Variants in APBB1IP observed in about 807,000 individuals in gnomAD.
APBB1IP encodes the protein amyloid beta precursor protein binding family B member 1 interacting protein, also known as amyloid beta A4 precursor protein-binding family B member 1-interacting protein.
APBB1IP carries 27 observed loss-of-function variants against 64.9 expected under a neutral mutation model. The observed-to-expected ratio is 0.42, with a 90% CI of 0.31 to 0.57. The LOEUF (loss-of-function observed/expected upper bound fraction) is 0.57. Among genes scored for constraint, APBB1IP ranks in the 20% least tolerant of loss-of-function variants. The probability of loss-of-function intolerance (pLI) is 0.20; values close to 1 mark genes in which losing one functional copy is unlikely to be tolerated. For missense variants in APBB1IP, 812 were observed against 845.5 expected, an observed-to-expected ratio of 0.96 and a Z score of 0.49; for synonymous variants, 392 against 331.0, an observed-to-expected ratio of 1.18 and a Z score of -2.00.
chr10:26,555,948 C>A (rs554513005), intron 11 of APBB1IP, among the ~76,000 whole-genome samples: 1 of 152,298 alleles, frequency 6.6e-6, no homozygotes, highest in South Asian at 2.1e-4. Context: ...TCTTGGCACC[C>A]AGAGATATTT....
At chr10:26,496,458 C>T (rs1836026520) in intron 4 of APBB1IP, 67 bp downstream of exon 4, 11 of 1,292,198 alleles carry the variant, frequency 8.5e-6, no homozygotes, top group Non-Finnish European at 1.2e-5. Flanking sequence ...CAGTATGAAA[C>T]TATAATTTGA....
At chr10:26,499,399 T>C (rs1836068458) in intron 4 of APBB1IP, among the ~76,000 whole-genome samples, 1 of 152,224 alleles carries the variant, frequency 6.6e-6, no homozygotes, top group African/African-American at 2.4e-5. Flanking sequence ...ACCCAAACTT[T>C]AGTCCAAGTA....
chr10:26,467,825 T>C (rs1835666311), intron 2 of APBB1IP, among the ~76,000 whole-genome samples: 1 of 152,212 alleles, frequency 6.6e-6, no homozygotes, highest in Admixed American at 6.5e-5. Context: ...AACCCAAAGC[T>C]TAGCTTTGAT....
At chr10:26,491,216 C>T (rs1564359385) in intron 2 of APBB1IP, among the ~76,000 whole-genome samples, 2 of 151,690 alleles carry the variant, frequency 1.3e-5, no homozygotes, top group South Asian at 4.2e-4. Flanking sequence ...GAGACGGAGG[C>T]TGCAGTGAGC....
chr10:26,521,549 C>T (rs980546886), intron 8 of APBB1IP, among the ~76,000 whole-genome samples: 7 of 152,084 alleles, frequency 4.6e-5, no homozygotes, highest in Non-Finnish European at 7.4e-5. Flanking sequence ...ATTCTTCTTC[C>T]CTTTGGTGGA....
At chr10:26,515,169 C>G (rs1007833261) in intron 8 of APBB1IP, among the ~76,000 whole-genome samples, 1 of 152,062 alleles carries the variant, frequency 6.6e-6, no homozygotes, top group Non-Finnish European at 1.5e-5. Context: ...GTGTGAGCCA[C>G]TGCACCCAGC....
At chr10:26,479,790 C>A (rs1160625933) in intron 2 of APBB1IP, among the ~76,000 whole-genome samples, 1 of 152,320 alleles carries the variant, frequency 6.6e-6, no homozygotes, top group East Asian at 1.9e-4. Flanking sequence ...TCTCCTCCAG[C>A]ATGGCTGATC....
intron 13 of APBB1IP, 65 bp downstream of exon 13, chr10:26,560,909 C>A: frequency 1.6e-6 from 2 of 1,238,380 alleles, no homozygotes; most frequent in South Asian, 1.5e-5. Context: ...AAAATGTATC[C>A]AATACATCTA....
chr10:26,484,095 C>T (rs534416732), intron 2 of APBB1IP, among the ~76,000 whole-genome samples: 3 of 152,174 alleles, frequency 2.0e-5, no homozygotes, highest in Admixed American at 6.5e-5. Context: ...TATCTTAATA[C>T]GGTGCTATAA....
chr10:26,451,966 G>T (rs1835469929), intron 2 of APBB1IP, among the ~76,000 whole-genome samples: 2 of 152,126 alleles, frequency 1.3e-5, no homozygotes, highest in African/African-American at 4.8e-5. Flanking sequence ...GCATTTATCT[G>T]GTTTTAAGGA....
rs751830726 is a variant in APBB1IP, at chr10:26,500,852, A to T, written c.194A>T (p.Asp65Val). The change falls in exon 5 of 15, where the codon GAT (aspartate) becomes GTT (valine). Residue 65 changes from aspartate to valine, a missense_variant. By Grantham distance (152) the Asp-to-Val change is radical (BLOSUM62 -3). Around this residue, in one of 3 missense-constraint regions of APBB1IP, gnomAD observed 394 missense variants for 413.1 expected, o/e 0.95. Coordinates refer to ENST00000376236, the MANE Select transcript of APBB1IP (RefSeq NM_019043.4). ...AATGCACTGGAAGACCAAGATTTAGATGCTCTCATGGCAGATCTGGTAGCA... is the reference window on the plus strand; with the variant it reads ...AATGCACTGGAAGACCAAGATTTAGTTGCTCTCATGGCAGATCTGGTAGCA... ...SLNALEDQDLDALMADLVADI... is the reference protein window; with the variant it reads ...SLNALEDQDLVALMADLVADI... 1 of 1,614,130 alleles carries T rather than the reference A, an allele frequency of 6.2e-7. No individual in the cohort carries two copies. The highest frequency in any genetic ancestry group is 2.2e-5 in the East Asian group (1 of 44,888).
At chr10:26,475,257 G>A (rs374396193) in intron 2 of APBB1IP, among the ~76,000 whole-genome samples, 1 of 151,836 alleles carries the variant, frequency 6.6e-6, no homozygotes, top group East Asian at 1.9e-4. Flanking sequence ...CAAGCATCTG[G>A]GATTATAGGC....
At chr10:26,444,971 G>A (rs1418036283) in intron 2 of APBB1IP, among the ~76,000 whole-genome samples, 8 of 151,856 alleles carry the variant, frequency 5.3e-5, no homozygotes, top group Admixed American at 2.0e-4. Flanking sequence ...GGTGGTGCAC[G>A]CCTGTAGTCC....
At chr10:26,481,700 C>A (rs1289124865) in intron 2 of APBB1IP, among the ~76,000 whole-genome samples, 1 of 151,924 alleles carries the variant, frequency 6.6e-6, no homozygotes, top group East Asian at 1.9e-4. Flanking sequence ...ATTGCCCAGG[C>A]TGGTTTTGAA....
At chr10:26,463,568 C>A (rs571236587) in intron 2 of APBB1IP, among the ~76,000 whole-genome samples, 69 of 152,256 alleles carry the variant, frequency 4.5e-4, no homozygotes, top group Non-Finnish European at 7.9e-4. Context: ...GTGTCCCAAG[C>A]TTTCTGGGCA....
At chr10:26,557,396 G>A (rs1290641585) in intron 11 of APBB1IP, among the ~76,000 whole-genome samples, 2 of 152,236 alleles carry the variant, frequency 1.3e-5, no homozygotes, top group African/African-American at 2.4e-5. Flanking sequence ...TTCGAGCAAT[G>A]GAGATGCAAT....
intron 4 of APBB1IP, among the ~76,000 whole-genome samples, chr10:26,497,177 A>G (rs1836035882): frequency 2.0e-5 from 3 of 152,090 alleles, no homozygotes. Flanking sequence ...ATTCTATCTC[A>G]AGAAAATAAA....
rs529653649 is a variant in APBB1IP at position 26,442,742 on chromosome 10, G to A, written c.-1+3889G>A. 3.3e-5 allele frequency among the ~76,000 whole-genome samples: 5 copies of A among 152,302 alleles called. No individual in the cohort carries two copies. In the South Asian group the frequency reaches 1.0e-3, roughly 32 times the overall value. On this transcript the variant is annotated intron_variant, in intron 2 of 14. Coordinates refer to ENST00000376236, the MANE Select transcript of APBB1IP (RefSeq NM_019043.4). ...CCAACATCTGGGTACCTATCACCCA[G>A]CTTAAGAAGTAGAATATTTACCAAG...
intron 8 of APBB1IP, among the ~76,000 whole-genome samples, chr10:26,529,925 G>T (rs1211721917): frequency 6.6e-6 from 1 of 152,190 alleles, no homozygotes; most frequent in African/African-American, 2.4e-5. Context: ...ACAGGCGTGA[G>T]CCACCGCACC....
Sources: allele counts gnomAD v4.1 joint callset (sites outside exome capture counted in the v4.1 genomes callset), GRCh38; gene constraint gnomAD v4.1.1; regional missense constraint gnomAD v4.1.1; transcripts MANE v1.5; gene names NCBI Gene and HGNC (gene_info 2026-07-23, HGNC 2026-07-21).